The following ASIC2 variants were observed in gnomAD, a reference collection of about 807,000 sequenced individuals.
ASIC2 encodes the protein acid-sensing ion channel 2.
ASIC2 carries 25 observed loss-of-function variants against 57.3 expected under a neutral mutation model. That is an observed-to-expected ratio of 0.44 (90% confidence interval 0.32 to 0.61). The LOEUF (loss-of-function observed/expected upper bound fraction) is 0.61, where lower values mean the gene tolerates loss of function less well. Ranked by LOEUF, ASIC2 falls within the 20% of genes least tolerant of loss-of-function variation. ASIC2 has a pLI of 0.06. For synonymous variants in ASIC2, 319 were observed against 307.5 expected (o/e 1.04, Z -0.39); for missense variants, 641 against 738.1 (o/e 0.87, Z 1.52).
At chr17:34,006,936 C>T (rs765274806) in intron 1 of ASIC2, among the ~76,000 whole-genome samples, 8 of 152,132 alleles carry the variant, frequency 5.3e-5, no homozygotes, top group Non-Finnish European at 1.0e-4. Flanking sequence ...CTTCTGGCAG[C>T]TAAAACGCCT....
chr17:33,772,883 G>A lies in ASIC2; in HGVS notation c.555+383095C>T, dbSNP rs531293095. 9.9e-5 allele frequency among the ~76,000 whole-genome samples: 15 copies of A among 152,274 alleles called. No individual in the cohort carries two copies. In the South Asian group the frequency reaches 2.3e-3, roughly 23 times the overall value. ...ATAACATGTTCTTCATTTGAAAACCGGATACTTCCCAAAGAATGAGTTTGT... is the reference window on the plus strand; with the variant it reads ...ATAACATGTTCTTCATTTGAAAACCAGATACTTCCCAAAGAATGAGTTTGT... On this transcript the variant is annotated intron_variant, in intron 1 of 9. Coordinates refer to the ASIC2 transcript ENST00000359872.
At position 34,147,716 on chromosome 17, in the gene ASIC2, C is replaced by T. The variant is rs576237118; in HGVS notation, c.555+8262G>A. 7.9e-5 allele frequency among the ~76,000 whole-genome samples: 12 copies of T among 152,240 alleles called. No homozygotes were observed. The South Asian group carries it at 1.7e-3, about 21-fold the overall frequency. On this transcript the variant is annotated intron_variant, in intron 1 of 9. Transcript: ENST00000359872. The stretch of plus-strand genomic sequence containing the variant: ...TTGTAATAGATCATGGGTCAAATGG[C>T]CTTGCTGGTCAAGGTAGATATTTTA...
At chr17:33,089,394 G>C (rs556030348) in intron 2 of ASIC2, among the ~76,000 whole-genome samples, 1 of 152,268 alleles carries the variant, frequency 6.6e-6, no homozygotes, top group African/African-American at 2.4e-5. Context: ...AAAGGCAGGG[G>C]AATGAATTTT....
intron 1 of ASIC2, among the ~76,000 whole-genome samples, chr17:33,726,047 C>A (rs973108568): frequency 6.6e-6 from 1 of 152,222 alleles, no homozygotes. Flanking sequence ...TCAAGACTCT[C>A]ACCTTTCCAC....
At chr17:33,475,606 G>C (rs1913194801) in intron 1 of ASIC2, among the ~76,000 whole-genome samples, 1 of 152,186 alleles carries the variant, frequency 6.6e-6, no homozygotes, top group East Asian at 1.9e-4. Flanking sequence ...AACGATGTCT[G>C]GTTCACTCTT....
chr17:33,726,283 T>C (rs1264182437), intron 1 of ASIC2, among the ~76,000 whole-genome samples: 1 of 152,114 alleles, frequency 6.6e-6, no homozygotes, highest in Non-Finnish European at 1.5e-5. Flanking sequence ...CCAGCCCCAG[T>C]TGCCATCTGA....
intron 1 of ASIC2, among the ~76,000 whole-genome samples, chr17:33,440,412 T>C (rs1911783493): frequency 6.6e-6 from 1 of 152,260 alleles, no homozygotes; most frequent in African/African-American, 2.4e-5. Context: ...TTATTAAGCA[T>C]AGTGCTGTTA....
chr17:33,334,278 A>G (rs1391126743), intron 1 of ASIC2, among the ~76,000 whole-genome samples: 1 of 152,202 alleles, frequency 6.6e-6, no homozygotes, highest in East Asian at 1.9e-4. Flanking sequence ...CCCATTTCAT[A>G]GATAATGAAA....
chr17:33,641,020 T>A (rs1597817931), intron 1 of ASIC2, among the ~76,000 whole-genome samples: 1 of 151,920 alleles, frequency 6.6e-6, no homozygotes, highest in Admixed American at 6.6e-5. Context: ...GGAGAAGGGG[T>A]CTTCTTTAGG....
At chr17:33,787,519 A>G (rs919291125) in intron 1 of ASIC2, among the ~76,000 whole-genome samples, 2 of 152,246 alleles carry the variant, frequency 1.3e-5, no homozygotes, top group Non-Finnish European at 2.9e-5. Context: ...CAGGAAAAGG[A>G]GAAGAAAATA....
intron 1 of ASIC2, among the ~76,000 whole-genome samples, chr17:33,224,992 T>C (rs569451891): frequency 6.6e-6 from 1 of 152,296 alleles, no homozygotes; most frequent in East Asian, 1.9e-4. Context: ...GATGGGGAGC[T>C]GATAGATGCC....
At chr17:33,459,358 G>A (rs1359849489) in intron 1 of ASIC2, among the ~76,000 whole-genome samples, 3 of 152,212 alleles carry the variant, frequency 2.0e-5, no homozygotes, top group Middle Eastern at 6.8e-3. Context: ...CAGGAGACGC[G>A]TGCAGGATCA....
chr17:33,810,874 T>TACAC (rs34187408), intron 1 of ASIC2, among the ~76,000 whole-genome samples: 84,531 of 149,878 alleles, frequency 0.56, 24,229 homozygotes, highest in African/African-American at 0.6. Flanking sequence ...CACACACACA[T>TACAC]ACACACACAC....
chr17:33,878,934 G>A (rs1275538358), intron 1 of ASIC2, among the ~76,000 whole-genome samples: 1 of 152,226 alleles, frequency 6.6e-6, no homozygotes, highest in Non-Finnish European at 1.5e-5. Context: ...CAAGCCAGAA[G>A]AGAGTGGGGG....
intron 1 of ASIC2, among the ~76,000 whole-genome samples, chr17:33,921,472 T>C (rs1378460664): frequency 2.6e-5 from 4 of 152,048 alleles, no homozygotes; most frequent in Admixed American, 1.3e-4. Flanking sequence ...GCCAAAACAG[T>C]GTAACAGACC....
At chr17:33,699,819 T>C (rs1908641649) in intron 1 of ASIC2, among the ~76,000 whole-genome samples, 1 of 152,228 alleles carries the variant, frequency 6.6e-6, no homozygotes, top group Admixed American at 6.5e-5. Flanking sequence ...ATTTCAGTGT[T>C]CTTCTCTGTA....
intron 1 of ASIC2, among the ~76,000 whole-genome samples, chr17:33,637,006 C>G (rs1055041736): frequency 3.9e-5 from 6 of 152,098 alleles, no homozygotes; most frequent in Admixed American, 2.6e-4. Context: ...ACACTTCTTT[C>G]TCCCCTTCCT....
At chr17:34,041,370 C>T (rs1242459314) in intron 1 of ASIC2, 7 of 152,132 alleles carry the variant, frequency 4.6e-5, no homozygotes, top group Non-Finnish European at 8.8e-5. Context: ...CCACAGAGTC[C>T]TCAAATGCAC....
intron 1 of ASIC2, among the ~76,000 whole-genome samples, chr17:33,823,657 G>A (rs974377316): frequency 1.3e-5 from 2 of 152,138 alleles, no homozygotes; most frequent in African/African-American, 2.4e-5. Flanking sequence ...CAAACCTTTG[G>A]TCTCTATGTT....
Sources: gnomAD v4.1 joint callset for allele counts (sites outside exome capture counted in the v4.1 genomes callset) on GRCh38, gnomAD v4.1.1 for gene constraint, MANE v1.5 for transcripts, NCBI Gene and HGNC (gene_info 2026-07-23, HGNC 2026-07-21) for gene names.